PRKG1: variants seen among roughly 807,000 people sequenced by gnomAD.
PRKG1 encodes cGMP-dependent protein kinase 1.
Under a neutral mutation model 88.1 loss-of-function variants are expected in PRKG1, and 35 were observed. That is an observed-to-expected ratio of 0.40 (90% CI 0.30 to 0.53). The LOEUF (loss-of-function observed/expected upper bound fraction) is 0.53. Ranked by LOEUF, PRKG1 falls within the 20% of genes least tolerant of loss-of-function variation. The probability of loss-of-function intolerance (pLI) is 0.59; values close to 1 mark genes in which losing one functional copy is unlikely to be tolerated. For synonymous variants in PRKG1, 303 were observed against 292.5 expected, an observed-to-expected ratio of 1.04 and a Z score of -0.37; for missense variants, 540 against 839.8, an observed-to-expected ratio of 0.64 and a Z score of 4.41.
intron 1 of PRKG1, among the ~76,000 whole-genome samples, chr10:51,147,338 A>G (rs1346160777): frequency 6.6e-6 from 1 of 152,178 alleles, no homozygotes; most frequent in Non-Finnish European, 1.5e-5. Flanking sequence ...GGATATGATA[A>G]TTACCCTGAC....
chr10:51,236,910 T>G (rs1839009402), intron 2 of PRKG1, among the ~76,000 whole-genome samples: 1 of 152,164 alleles, frequency 6.6e-6, no homozygotes, highest in Admixed American at 6.5e-5. Flanking sequence ...AGTTAGACAG[T>G]CTTTATCCCA....
At chr10:51,113,227 T>A (rs1462208359) in intron 1 of PRKG1, among the ~76,000 whole-genome samples, 1 of 152,218 alleles carries the variant, frequency 6.6e-6, no homozygotes, top group Non-Finnish European at 1.5e-5. Context: ...AGAAGTTAAG[T>A]GACTAACTGA....
intron 2 of PRKG1, among the ~76,000 whole-genome samples, chr10:51,381,388 A>C (rs887926193): frequency 3.2e-4 from 49 of 151,848 alleles, no homozygotes; most frequent in Non-Finnish European, 6.2e-4. Flanking sequence ...ATGAAACTCA[A>C]TCAGTACCCC....
intron 3 of PRKG1, among the ~76,000 whole-genome samples, chr10:51,742,650 G>A (rs1454091578): frequency 6.6e-6 from 1 of 152,102 alleles, no homozygotes; most frequent in Non-Finnish European, 1.5e-5. Flanking sequence ...GTTTTACCTG[G>A]GTCATGTTGA....
Position 51,114,437 on chromosome 10 carries a change from C to CTGTGTGTGTGTGTGTGTG in PRKG1, c.312-38711_312-38710insTGTGTGTGTGTGTGTGTG, listed in dbSNP as rs58190244. ...GATTGTCTGCTACCCATGAGTGACT[C>CTGTGTGTGTGTGTGTGTG]TGTGTGTGTGTGTGTGGATGTGCAC... On this transcript the variant is annotated intron_variant, in intron 1 of 17. Transcript: ENST00000373980. 5.1e-3 allele frequency among the ~76,000 whole-genome samples: 766 copies of CTGTGTGTGTGTGTGTGTG among 150,268 alleles called. 6 individuals carry two copies. Among genetic ancestry groups the CTGTGTGTGTGTGTGTGTG allele is most frequent in the African/African-American group, 0.018 (725 of 40,830 alleles).
At chr10:51,303,054 A>C (rs999747453) in intron 2 of PRKG1, among the ~76,000 whole-genome samples, 1 of 152,160 alleles carries the variant, frequency 6.6e-6, no homozygotes, top group Non-Finnish European at 1.5e-5. Flanking sequence ...TGCTGTTTCA[A>C]CCGGGTTAAG....
chr10:52,239,182 G>A (rs1470714746), intron 9 of PRKG1, among the ~76,000 whole-genome samples: 3 of 87,592 alleles, frequency 3.4e-5, no homozygotes, highest in Non-Finnish European at 4.3e-5. Context: ...GGGGTGGGGG[G>A]AGGGGGGAGG....
At chr10:51,118,815 T>A (rs966136556) in intron 1 of PRKG1, among the ~76,000 whole-genome samples, 3 of 152,198 alleles carry the variant, frequency 2.0e-5, no homozygotes, top group Admixed American at 1.3e-4. Flanking sequence ...ATTTATGGTT[T>A]AGCTTGCTAA....
chr10:51,537,458 C>T (rs1842185166), intron 3 of PRKG1, among the ~76,000 whole-genome samples: 5 of 152,024 alleles, frequency 3.3e-5, no homozygotes, highest in African/African-American at 7.2e-5. Flanking sequence ...AGAGGCCAGG[C>T]GTGGTGGCTC....
rs570261321 is a variant in PRKG1, at chr10:51,411,826, G to A, written c.479-55897G>A. 5.3e-5 allele frequency among the ~76,000 whole-genome samples: 8 copies of A among 152,228 alleles called. No individual in the cohort carries two copies. The South Asian group carries it at 1.7e-3, about 32-fold the overall frequency. On this transcript the variant is annotated intron_variant, in intron 2 of 17. Coordinates refer to ENST00000373980, the MANE Select transcript of PRKG1 (RefSeq NM_006258.4). Reference sequence around the variant, plus strand: ...GCGTCAGTACAAAGTTGCTATTGGGGATCATTGTGCTTCTGAATGAAGGAC... The same window carrying A: ...GCGTCAGTACAAAGTTGCTATTGGGAATCATTGTGCTTCTGAATGAAGGAC...
At position 52,183,279 on chromosome 10, in the gene PRKG1, A is replaced by G. The variant is rs111544849; in HGVS notation, c.1076+21316A>G. ...TTCCTAGGCCCTTATGAATATGGGC[A>G]TGGGGCTTTTGGGCAGGACAGAGTC... On this transcript the variant is annotated intron_variant, in intron 9 of 17. Transcript: ENST00000373980. Among the ~76,000 whole-genome samples the G allele has an allele frequency of 4.9e-3, 749 of 152,286 alleles. 5 individuals carry two copies. Among genetic ancestry groups the G allele is most frequent in the Non-Finnish European group, 8.5e-3 (575 of 68,016 alleles).
chr10:51,235,155 T>C (rs1325646296), intron 2 of PRKG1, among the ~76,000 whole-genome samples: 1 of 152,154 alleles, frequency 6.6e-6, no homozygotes, highest in Non-Finnish European at 1.5e-5. Context: ...ACACAATTGC[T>C]CAAAGAAGAA....
rs140508451 is a variant in PRKG1, at chr10:51,129,774, C to A, written c.312-23390C>A. Among the ~76,000 whole-genome samples the A allele has an allele frequency of 2.1e-3, 315 of 152,264 alleles. 1 individual carries two copies. The highest frequency in any genetic ancestry group is 7.3e-3 in the African/African-American group (305 of 41,538). Reference sequence around the variant, plus strand: ...TTGGTAGCCACGTTGCCACAATATTCTCCAATCTCTTTTCTCATTTGTGAT... The same window carrying A: ...TTGGTAGCCACGTTGCCACAATATTATCCAATCTCTTTTCTCATTTGTGAT... On this transcript the variant is annotated intron_variant, in intron 1 of 17. Coordinates refer to ENST00000373980, the MANE Select transcript of PRKG1 (RefSeq NM_006258.4).
chr10:51,497,518 G>C (rs1840893551), intron 3 of PRKG1, among the ~76,000 whole-genome samples: 1 of 152,170 alleles, frequency 6.6e-6, no homozygotes, highest in Admixed American at 6.5e-5. Flanking sequence ...TGCAATTAGA[G>C]AAGAGTGTGG....
intron 1 of PRKG1, among the ~76,000 whole-genome samples, chr10:51,061,003 C>G (rs970165515): frequency 6.7e-6 from 1 of 150,034 alleles, no homozygotes; most frequent in African/African-American, 2.5e-5. Flanking sequence ...TTTTGTCTGT[C>G]TGCTCTTAGG....
intron 3 of PRKG1, among the ~76,000 whole-genome samples, chr10:51,639,738 C>T (rs1839752026): frequency 6.6e-6 from 1 of 151,460 alleles, no homozygotes; most frequent in Non-Finnish European, 1.5e-5. Flanking sequence ...ATGATATTTA[C>T]ATAATGTTAG....
intron 9 of PRKG1, among the ~76,000 whole-genome samples, chr10:52,221,632 C>T (rs1840248408): frequency 6.6e-6 from 1 of 152,042 alleles, no homozygotes; most frequent in African/African-American, 2.4e-5. Context: ...TATGAATATT[C>T]ACTGTCAGTG....
rs71904885 is a variant in PRKG1 at position 52,148,957 on chromosome 10, C to CTTTTTTTTTTTTT, written c.1002-12918_1002-12906dup. ...TATTTGACCACAGAGGATAGTTTTGCTTTTTTTTTTTTTTTTTTTTTTTTT... is the reference window on the plus strand; with the variant it reads ...TATTTGACCACAGAGGATAGTTTTGCTTTTTTTTTTTTTTTTTTTTTTTTTTTTTTTTTTTTTT... On this transcript the variant is annotated intron_variant, in intron 8 of 17. Coordinates refer to ENST00000373980, the MANE Select transcript of PRKG1 (RefSeq NM_006258.4). 1.3e-3 allele frequency among the ~76,000 whole-genome samples: 73 copies of CTTTTTTTTTTTTT among 55,160 alleles called. 6 individuals are homozygous for CTTTTTTTTTTTTT. Among genetic ancestry groups the CTTTTTTTTTTTTT allele is most frequent in the African/African-American group, 5.3e-3 (71 of 13,338 alleles). The allele number at this position is 55,160 out of a possible 152,430, so 36.2% of individuals were successfully genotyped here.
intron 2 of PRKG1, among the ~76,000 whole-genome samples, chr10:51,232,346 C>T (rs1432180629): frequency 6.6e-6 from 1 of 152,114 alleles, no homozygotes; most frequent in Admixed American, 6.5e-5. Context: ...TTGGCTGTGC[C>T]ATCTTTTATT....
Sources: allele counts gnomAD v4.1 joint callset (sites outside exome capture counted in the v4.1 genomes callset), GRCh38; gene constraint gnomAD v4.1.1; transcripts MANE v1.5; gene names NCBI Gene and HGNC (gene_info 2026-07-23, HGNC 2026-07-21).